TENM4: variants seen among roughly 807,000 people sequenced by gnomAD.
TENM4 encodes teneurin-4.
TENM4 carries 82 observed loss-of-function variants against 243.3 expected under a neutral mutation model. That is an observed-to-expected ratio of 0.34 (90% CI 0.28 to 0.40). The LOEUF is 0.40. TENM4 is among the 10% of genes least tolerant of loss of function. TENM4 has a pLI of 1.00. For missense variants in TENM4, 3,138 were observed against 3,673.3 expected, an observed-to-expected ratio of 0.85 and a Z score of 3.77; for synonymous variants, 1,412 against 1,456.3, an observed-to-expected ratio of 0.97 and a Z score of 0.69.
chr11:79,324,847 A>G (rs1170545353), intron 1 of TENM4, among the ~76,000 whole-genome samples: 1 of 152,144 alleles, frequency 6.6e-6, no homozygotes, highest in Non-Finnish European at 1.5e-5. Flanking sequence ...AATATCTAAA[A>G]GGGAGTTTCC....
At chr11:79,374,250 A>C (rs1210681226) in intron 1 of TENM4, among the ~76,000 whole-genome samples, 1 of 152,108 alleles carries the variant, frequency 6.6e-6, no homozygotes, top group East Asian at 1.9e-4. Flanking sequence ...TTAATACATA[A>C]TTAATAGCAA....
At position 78,658,255 on chromosome 11, in the gene TENM4, G is replaced by A. The variant is rs570712669; in HGVS notation, c.8113C>T (p.Arg2705Cys). ...CCTTCCCGCAGTCTCTGCTGCTCGC[G>A]GGCCCACGCTTGGCGCACGGCTCTC... Reference protein sequence around the residue: ...RQRAVRQAWAREQQRLREGEE... With the variant: ...RQRAVRQAWACEQQRLREGEE... The change falls in exon 34 of 34, where the codon CGC becomes TGC. Residue 2705 changes from arginine (R) to cysteine (C), a missense_variant. By Grantham distance (180) the Arg-to-Cys change is radical. This residue lies in a region of TENM4 where 2,467 missense variants were observed against 3,059.1 expected (regional missense o/e 0.81). Coordinates refer to ENST00000278550, the MANE Select transcript of TENM4 (RefSeq NM_001098816.3). 4.3e-6 allele frequency: 7 copies of A among 1,613,674 alleles called. No homozygotes were observed. Among genetic ancestry groups the A allele is most frequent in the Admixed American group, 1.7e-5 (1 of 60,006 alleles).
intron 1 of TENM4, among the ~76,000 whole-genome samples, chr11:79,384,153 C>A (rs1858061650): frequency 2.6e-5 from 4 of 152,116 alleles, no homozygotes; most frequent in Admixed American, 2.6e-4. Context: ...TGTTTTAGAC[C>A]CAGCTTGTGG....
At chr11:78,735,456 T>C (rs568158541) in intron 20 of TENM4, among the ~76,000 whole-genome samples, 3 of 152,204 alleles carry the variant, frequency 2.0e-5, no homozygotes, top group Non-Finnish European at 4.4e-5. Context: ...AGAGGCTGTA[T>C]GTGAGGAGGG....
At chr11:79,006,406 G>A (rs1858487162) in intron 6 of TENM4, among the ~76,000 whole-genome samples, 1 of 152,322 alleles carries the variant, frequency 6.6e-6, no homozygotes, top group Non-Finnish European at 1.5e-5. Flanking sequence ...AGATCTAAAT[G>A]TGATGCTCTA....
At chr11:79,154,867 C>T (rs1032724964) in intron 3 of TENM4, among the ~76,000 whole-genome samples, 4 of 152,298 alleles carry the variant, frequency 2.6e-5, no homozygotes, top group African/African-American at 9.6e-5. Context: ...ACCGGGGTGT[C>T]CTCAGGGGGC....
At chr11:79,234,864 A>G (rs1222913477) in intron 2 of TENM4, among the ~76,000 whole-genome samples, 1 of 152,112 alleles carries the variant, frequency 6.6e-6, no homozygotes, top group Non-Finnish European at 1.5e-5. Flanking sequence ...TTTTCCCTGG[A>G]TGCGGGGCAC....
chr11:78,907,704 T>G (rs1856093428), intron 6 of TENM4, among the ~76,000 whole-genome samples: 1 of 152,178 alleles, frequency 6.6e-6, no homozygotes, highest in Non-Finnish European at 1.5e-5. Flanking sequence ...TGGTAGGCCC[T>G]CAGTAAATAT....
chr11:78,854,038 T>C, intron 12 of TENM4, 66 bp downstream of exon 12: 1 of 1,452,638 alleles, frequency 6.9e-7, no homozygotes. Context: ...AGTCCCAGAA[T>C]CTCCATGCAG....
chr11:78,688,537 G>C (rs954223694), intron 28 of TENM4, among the ~76,000 whole-genome samples: 2 of 152,140 alleles, frequency 1.3e-5, no homozygotes, highest in African/African-American at 2.4e-5. Flanking sequence ...TCAATTGTGA[G>C]GGGGAGAGAT....
At chr11:78,667,413 T>C (rs1370247459) in intron 32 of TENM4, among the ~76,000 whole-genome samples, 1 of 152,184 alleles carries the variant, frequency 6.6e-6, no homozygotes, top group Admixed American at 6.5e-5. Flanking sequence ...GGGGCATTCA[T>C]GTGAGCTGTC....
At chr11:79,040,292 G>A (rs1435364077) in intron 6 of TENM4, among the ~76,000 whole-genome samples, 1 of 152,218 alleles carries the variant, frequency 6.6e-6, no homozygotes, top group Non-Finnish European at 1.5e-5. Flanking sequence ...GCAAAACATA[G>A]TCTGTGAACC....
At position 79,207,930 on chromosome 11, in the gene TENM4, G is replaced by C. The variant is rs560349914; in HGVS notation, c.-163+7878C>G. On this transcript the variant is annotated intron_variant, in intron 3 of 33. Transcript: ENST00000278550. ...AGGGCCTCCTATGATACAGTGTAAAGTCTGGGCTTCCTCTGGAGAGCAACG... is the reference window on the plus strand; with the variant it reads ...AGGGCCTCCTATGATACAGTGTAAACTCTGGGCTTCCTCTGGAGAGCAACG... Among the ~76,000 whole-genome samples, 13 of 148,472 alleles carry C rather than the reference G, an allele frequency of 8.8e-5. No homozygotes were observed. The East Asian group carries it at 2.2e-3, about 25-fold the overall frequency.
chr11:79,180,868 C>T (rs1046880109), intron 3 of TENM4, among the ~76,000 whole-genome samples: 2 of 150,194 alleles, frequency 1.3e-5, no homozygotes, highest in East Asian at 3.9e-4. Context: ...TATACACACA[C>T]ATATATATAT....
intron 3 of TENM4, among the ~76,000 whole-genome samples, chr11:79,179,559 ATC>A (rs540316157): frequency 6.9e-6 from 1 of 145,562 alleles, no homozygotes; most frequent in African/African-American, 2.4e-5. Context: ...ATATTTGAAC[ATC>A]TCTCTCTTTT....
At chr11:79,194,087 C>T (rs747304316) in intron 3 of TENM4, among the ~76,000 whole-genome samples, 8 of 151,988 alleles carry the variant, frequency 5.3e-5, no homozygotes, top group Admixed American at 2.0e-4. Context: ...ATAAGCCTCA[C>T]GAGATCTGAT....
Position 78,805,312 on chromosome 11 carries a change from G to A in TENM4, c.2159C>T (p.Thr720Ile). The change falls in exon 15 of 34, where the codon ACT becomes ATT. Residue 720 changes from threonine to isoleucine, a missense_variant. Thr to Ile is a moderately conservative substitution (Grantham distance 89, BLOSUM62 -1). This residue lies in a region of TENM4 where 2,467 missense variants were observed against 3,059.1 expected (regional missense o/e 0.81). Coordinates refer to ENST00000278550, the MANE Select transcript of TENM4 (RefSeq NM_001098816.3). ...TGLCSCDPSW[T>I]GHDCSIEICA... ...TTTACCGATAGAACAGTCGTGTCCA[G>A]TCCAGCTTGGGTCACAGCTGCAAAG... 1 of 924,042 alleles carries A rather than the reference G, an allele frequency of 1.1e-6. No individual in the cohort carries two copies. Among genetic ancestry groups the A allele is most frequent in the Non-Finnish European group, 1.3e-6 (1 of 761,072 alleles). 57.2% of individuals were successfully genotyped at this position (924,042 alleles called of 1,614,324 possible).
At chr11:78,814,574 C>A (rs369089004) in intron 12 of TENM4, among the ~76,000 whole-genome samples, 179 bp from the exon 13 acceptor site, 7 of 152,270 alleles carry the variant, frequency 4.6e-5, no homozygotes, top group Middle Eastern at 3.4e-3. Flanking sequence ...AAGCACAGTT[C>A]AATTGACATT....
chr11:79,004,091 G>C (rs1858409855), intron 6 of TENM4, among the ~76,000 whole-genome samples: 1 of 151,888 alleles, frequency 6.6e-6, no homozygotes, highest in South Asian at 2.1e-4. Context: ...AGAAGATCTA[G>C]CTATCCTAAA....
Sources: gnomAD v4.1 joint callset for allele counts (sites outside exome capture counted in the v4.1 genomes callset) on GRCh38, gnomAD v4.1.1 for gene constraint, gnomAD v4.1.1 regional missense constraint, MANE v1.5 for transcripts, NCBI Gene and HGNC (gene_info 2026-07-23, HGNC 2026-07-21) for gene names.